Variants in SHISA9 observed in about 807,000 individuals in gnomAD.
SHISA9 encodes the protein shisa family member 9, also known as protein shisa-9.
In SHISA9, 13 loss-of-function variants were observed where a neutral mutation model predicts 38.0. The ratio of observed to expected loss-of-function variants is 0.34; its 90% CI spans 0.22 to 0.54. SHISA9 has a LOEUF of 0.54. Ranked by LOEUF, SHISA9 falls within the 20% of genes least tolerant of loss-of-function variation. The probability of loss-of-function intolerance (pLI) is 0.91; values close to 1 mark genes in which losing one functional copy is unlikely to be tolerated. For missense variants in SHISA9, 538 were observed against 575.8 expected, an observed-to-expected ratio of 0.93 and a Z score of 0.67; for synonymous variants, 275 against 242.0, an observed-to-expected ratio of 1.14 and a Z score of -1.27.
At chr16:13,125,776 C>T (rs150678886) in intron 2 of SHISA9, among the ~76,000 whole-genome samples, 18 of 152,300 alleles carry the variant, frequency 1.2e-4, no homozygotes, top group South Asian at 2.1e-4. Context: ...ATGCTGCTGA[C>T]GGCAAAACCT....
the SHISA9 span, among the ~76,000 whole-genome samples, chr16:13,364,686 C>T: frequency 3.3e-5 from 5 of 152,146 alleles, no homozygotes; most frequent in African/African-American, 1.2e-4. Flanking sequence ...CTGGAAGAGC[C>T]TTGATTCCCT....
chr16:13,191,852 A>C (rs2050888553), intron 2 of SHISA9, among the ~76,000 whole-genome samples: 1 of 152,148 alleles, frequency 6.6e-6, no homozygotes. Flanking sequence ...TTGAGTATTG[A>C]AAGCTTTAGT....
At chr16:13,553,817 A>G in the SHISA9 span, among the ~76,000 whole-genome samples, 1 of 152,308 alleles carries the variant, frequency 6.6e-6, no homozygotes, top group East Asian at 1.9e-4. Flanking sequence ...ACTCCTTACA[A>G]TTGAGCATAT....
At chr16:13,099,745 C>T (rs947984542) in intron 2 of SHISA9, among the ~76,000 whole-genome samples, 9 of 152,192 alleles carry the variant, frequency 5.9e-5, no homozygotes, top group African/African-American at 2.2e-4. Flanking sequence ...CCAGTTGTCT[C>T]AGACCTCATG....
At chr16:12,968,847 G>A (rs1462620104) in intron 2 of SHISA9, among the ~76,000 whole-genome samples, 1 of 152,146 alleles carries the variant, frequency 6.6e-6, no homozygotes, top group Non-Finnish European at 1.5e-5. Context: ...GTGTGGCTGT[G>A]TTCCAATAGA....
chr16:13,358,988 G>A, the SHISA9 span, among the ~76,000 whole-genome samples: 1 of 152,134 alleles, frequency 6.6e-6, no homozygotes. Context: ...CCTCCTCAGA[G>A]GCATGAAGCC....
chr16:13,233,374 T>A (rs2051350858), intron 4 of SHISA9, among the ~76,000 whole-genome samples: 1 of 152,146 alleles, frequency 6.6e-6, no homozygotes, highest in African/African-American at 2.4e-5. Context: ...TGAGTGGAAA[T>A]TGGTAAAACT....
intron 2 of SHISA9, among the ~76,000 whole-genome samples, chr16:13,065,207 C>G (rs1225202247): frequency 2.6e-5 from 4 of 152,306 alleles, no homozygotes; most frequent in African/African-American, 9.6e-5. Flanking sequence ...GCATCCTTGG[C>G]AATGATCTCA....
chr16:13,036,748 GA>G (rs34283726), intron 2 of SHISA9, among the ~76,000 whole-genome samples: 61 of 145,310 alleles, frequency 4.2e-4, no homozygotes, highest in South Asian at 2.4e-3. Context: ...TTCAGAGGAG[GA>G]AAAAAAAAAA....
chr16:13,168,832 T>C (rs2050660536), intron 2 of SHISA9, among the ~76,000 whole-genome samples: 1 of 152,234 alleles, frequency 6.6e-6, no homozygotes, highest in Non-Finnish European at 1.5e-5. Context: ...ACTTCACCTG[T>C]CTCAGCTCTT....
the SHISA9 span, among the ~76,000 whole-genome samples, chr16:13,315,090 G>C: frequency 6.9e-6 from 1 of 145,756 alleles, no homozygotes; most frequent in Admixed American, 6.9e-5. Flanking sequence ...AATAGAACCT[G>C]CTGTTGGCAT....
chr16:13,314,830 G>C, the SHISA9 span, among the ~76,000 whole-genome samples: 2 of 152,154 alleles, frequency 1.3e-5, no homozygotes, highest in African/African-American at 4.8e-5. Flanking sequence ...TAGAGGGAAA[G>C]GAAATGGGGA....
intron 2 of SHISA9, among the ~76,000 whole-genome samples, chr16:13,063,283 G>A (rs1300186614): frequency 1.3e-5 from 2 of 152,092 alleles, no homozygotes; most frequent in Admixed American, 6.5e-5. Context: ...TAGGATTACA[G>A]GTGTGAGCCA....
At chr16:13,021,019 C>G (rs2072846285) in intron 2 of SHISA9, among the ~76,000 whole-genome samples, 1 of 152,186 alleles carries the variant, frequency 6.6e-6, no homozygotes, top group Admixed American at 6.5e-5. Flanking sequence ...GACTTCTACT[C>G]TTGGCTCTCT....
chr16:13,517,471 A>T, the SHISA9 span, among the ~76,000 whole-genome samples: 1 of 152,194 alleles, frequency 6.6e-6, no homozygotes, highest in Admixed American at 6.5e-5. Context: ...GTATCTCCTG[A>T]ATTAGCCTGA....
chr16:13,091,000 A>G (rs2073769153), intron 2 of SHISA9, among the ~76,000 whole-genome samples: 1 of 152,196 alleles, frequency 6.6e-6, no homozygotes, highest in African/African-American at 2.4e-5. Flanking sequence ...CCTGGTGGTG[A>G]CAAAATCTCT....
At chr16:13,319,621 G>A in the SHISA9 span, among the ~76,000 whole-genome samples, 2 of 152,042 alleles carry the variant, frequency 1.3e-5, no homozygotes, top group Non-Finnish European at 2.9e-5. Flanking sequence ...TCCTGGGATG[G>A]GAGTGTGCGT....
chr16:12,909,376 A>G (rs1204147087), intron 1 of SHISA9: 1 of 985,356 alleles, frequency 1.0e-6, no homozygotes, highest in Non-Finnish European at 1.2e-6. Context: ...TTCTTGTGCA[A>G]GAAGAAGTGC....
intron 2 of SHISA9, among the ~76,000 whole-genome samples, chr16:13,054,328 C>T (rs761683942): frequency 6.6e-4 from 101 of 152,284 alleles, no homozygotes; most frequent in Non-Finnish European, 1.3e-3. Context: ...CCACGGTCTG[C>T]TTGGCGTCTG....
Sources: gnomAD v4.1 joint callset for allele counts (sites outside exome capture counted in the v4.1 genomes callset) on GRCh38, gnomAD v4.1.1 for gene constraint, MANE v1.5 for transcripts, NCBI Gene and HGNC (gene_info 2026-07-23, HGNC 2026-07-21) for gene names.